Variants in FOXP1 observed in about 807,000 individuals in gnomAD.
The protein encoded by FOXP1 is forkhead box protein P1.
A neutral mutation model predicts 98.2 loss-of-function variants in FOXP1; 15 were observed. The observed-to-expected ratio is 0.15, with a 90% confidence interval of 0.10 to 0.24. FOXP1 has a LOEUF of 0.24. Among genes scored for constraint, FOXP1 ranks in the 10% least tolerant of loss-of-function variants. FOXP1 has a pLI of 1.00. For missense variants in FOXP1, 633 were observed against 848.5 expected, an observed-to-expected ratio of 0.75 and a Z score of 3.15; for synonymous variants, 371 against 314.5, an observed-to-expected ratio of 1.18 and a Z score of -1.90.
rs1441685031 is a variant in FOXP1 at position 71,154,092 on chromosome 3, TCTTC to T, written c.181-41459_181-41456del. Among the ~76,000 whole-genome samples the T allele has an allele frequency of 2.0e-4, 26 of 128,888 alleles. No individual in the cohort carries two copies. In the East Asian group the frequency reaches 3.8e-3, roughly 19 times the overall value. The allele number at this position is 128,888 out of a possible 152,430, so 84.6% of individuals were successfully genotyped here. A position where few individuals can be genotyped will look rare whatever the true frequency, so the allele number is the denominator to read the frequency against. ...CCCTTTGCATTCTTCTTCTTCTTCT[TCTTC>T]TTTTTTTTTGCAATTGACTAATAAT... On this transcript the variant is annotated intron_variant, in intron 6 of 20. Coordinates refer to ENST00000649528, the MANE Select transcript of FOXP1 (RefSeq NM_001349338.3).
chr3:71,188,763 G>A (rs952305337), intron 6 of FOXP1, among the ~76,000 whole-genome samples: 1 of 152,146 alleles, frequency 6.6e-6, no homozygotes, highest in African/African-American at 2.4e-5. Flanking sequence ...TGTTTGTGTG[G>A]ATAATAAATT....
At chr3:70,979,255 G>T (rs1464794817) in intron 14 of FOXP1, among the ~76,000 whole-genome samples, 1 of 114,886 alleles carries the variant, frequency 8.7e-6, no homozygotes, top group Non-Finnish European at 1.6e-5. Context: ...ATTCCAGCCT[G>T]GGTGATAGAG....
intron 5 of FOXP1, among the ~76,000 whole-genome samples, chr3:71,287,710 G>A (rs1030670658): frequency 6.6e-6 from 1 of 151,580 alleles, no homozygotes; most frequent in African/African-American, 2.4e-5. Context: ...AACCTGGGAG[G>A]TGGAGGTTGC....
intron 5 of FOXP1, among the ~76,000 whole-genome samples, chr3:71,275,244 T>C (rs1288693): frequency 0.29 from 43,670 of 152,076 alleles, 6,468 homozygotes; most frequent in East Asian, 0.36. Flanking sequence ...AACAGCTCTG[T>C]AGTGATGTCC....
intron 4 of FOXP1, among the ~76,000 whole-genome samples, chr3:71,319,675 G>A (rs2075284192): frequency 6.6e-6 from 1 of 152,068 alleles, no homozygotes; most frequent in Admixed American, 6.6e-5. Flanking sequence ...TGTTGCCAAA[G>A]TCATTAAGTT....
At chr3:71,327,218 C>A (rs2075742460) in intron 4 of FOXP1, among the ~76,000 whole-genome samples, 1 of 151,034 alleles carries the variant, frequency 6.6e-6, no homozygotes, top group African/African-American at 2.4e-5. Flanking sequence ...TTGAGGCTGA[C>A]TTTGATGGAT....
intron 6 of FOXP1, among the ~76,000 whole-genome samples, chr3:71,184,418 T>C (rs527943430): frequency 6.6e-6 from 1 of 152,350 alleles, no homozygotes; most frequent in East Asian, 1.9e-4. Flanking sequence ...AACTGGTTTA[T>C]AGGGTTCTGT....
intron 2 of FOXP1, among the ~76,000 whole-genome samples, chr3:71,525,188 T>A (rs1303300445): frequency 6.6e-6 from 1 of 152,204 alleles, no homozygotes; most frequent in African/African-American, 2.4e-5. Flanking sequence ...CAGGAATTTT[T>A]AAAATGAATT....
At chr3:71,545,241 A>G (rs2045265708) in intron 2 of FOXP1, among the ~76,000 whole-genome samples, 1 of 152,180 alleles carries the variant, frequency 6.6e-6, no homozygotes. Context: ...GCCACTTTCT[A>G]GTTGAGTAAG....
chr3:71,537,920 T>C (rs1254742504), intron 2 of FOXP1, among the ~76,000 whole-genome samples: 1 of 152,222 alleles, frequency 6.6e-6, no homozygotes, highest in African/African-American at 2.4e-5. Flanking sequence ...GAAATTTCGG[T>C]ATTCATAAAT....
intron 13 of FOXP1, among the ~76,000 whole-genome samples, chr3:70,991,331 T>C: frequency 6.6e-6 from 1 of 152,152 alleles, no homozygotes; most frequent in Non-Finnish European, 1.5e-5. Flanking sequence ...GGTCATCTCC[T>C]CTTCTATTAG....
rs145319578 is a variant in FOXP1, at chr3:71,348,552, T to TGC, written c.-73+10596_-73+10597dup. 5.9e-3 allele frequency among the ~76,000 whole-genome samples: 831 copies of TGC among 141,690 alleles called. 25 individuals are homozygous for TGC. The highest frequency in any genetic ancestry group is 3.4e-3 in the Non-Finnish European group (220 of 63,908). The allele number at this position is 141,690 out of a possible 152,430, so 93.0% of individuals were successfully genotyped here. ...GTGTGTGTGTGTGTGTGTGTGTGCG[T>TGC]GCGCGCGCGCACGCATATGCATGTG... On this transcript the variant is annotated intron_variant, in intron 4 of 20. Coordinates refer to ENST00000649528, the MANE Select transcript of FOXP1 (RefSeq NM_001349338.3).
intron 11 of FOXP1, among the ~76,000 whole-genome samples, chr3:71,025,641 A>G (rs1248120464): frequency 6.6e-6 from 1 of 152,238 alleles, no homozygotes; most frequent in African/African-American, 2.4e-5. Flanking sequence ...TAAACGTAAC[A>G]AAACAGGTAA....
intron 13 of FOXP1, 91 bp from the exon 14 acceptor site, chr3:70,988,168 G>A: frequency 4.7e-6 from 5 of 1,072,256 alleles, no homozygotes; most frequent in South Asian, 1.3e-5. Context: ...TTACGCTATG[G>A]CACCACAGCA....
chr3:70,977,171 C>T (rs2037740354), intron 16 of FOXP1, 129 bp from the exon 17 acceptor site: 3 of 696,328 alleles, frequency 4.3e-6, no homozygotes, highest in Admixed American at 4.3e-5. Context: ...ACAAAATGAT[C>T]TAAGATTAAT....
chr3:71,210,987 T>C (rs1021497874), intron 5 of FOXP1: 2 of 152,086 alleles, frequency 1.3e-5, no homozygotes, highest in South Asian at 2.1e-4. Flanking sequence ...ATCCAAAGAG[T>C]TGTAACAATT....
chr3:71,191,126 T>A (rs886226003), intron 6 of FOXP1, among the ~76,000 whole-genome samples: 1 of 152,022 alleles, frequency 6.6e-6, no homozygotes, highest in Non-Finnish European at 1.5e-5. Context: ...GTTTACATTA[T>A]ATAAACATTC....
At chr3:71,556,720 TAACA>T (rs1188967091) in intron 2 of FOXP1, among the ~76,000 whole-genome samples, 2 of 150,168 alleles carry the variant, frequency 1.3e-5, no homozygotes, top group Admixed American at 1.3e-4. Flanking sequence ...CCCCAAACCA[TAACA>T]AATAGGTGAC....
chr3:71,308,808 G>GTGT (rs2074485849), intron 4 of FOXP1, among the ~76,000 whole-genome samples: 8 of 128,484 alleles, frequency 6.2e-5, no homozygotes, highest in South Asian at 5.1e-4. Context: ...TGTGTGTGTG[G>GTGT]GTGAGGGGGG....
Sources: gnomAD v4.1 joint callset for allele counts (sites outside exome capture counted in the v4.1 genomes callset) on GRCh38, gnomAD v4.1.1 for gene constraint, MANE v1.5 for transcripts, NCBI Gene and HGNC (gene_info 2026-07-23, HGNC 2026-07-21) for gene names.